The following ADI1 variants were observed in gnomAD, a reference collection of about 807,000 sequenced individuals.
The protein encoded by ADI1 is acireductone dioxygenase.
ADI1 carries 21 observed loss-of-function variants against 18.7 expected under a neutral mutation model. The ratio of observed to expected loss-of-function variants is 1.13; its 90% CI spans 0.80 to 1.62. The LOEUF is 1.62. Ranked by LOEUF, ADI1 falls within the 40% of genes most tolerant of loss-of-function variation. The probability of loss-of-function intolerance (pLI) is 0.00; values close to 1 mark genes in which losing one functional copy is unlikely to be tolerated. For synonymous variants in ADI1, 90 were observed against 100.1 expected (o/e 0.90, Z 0.60); for missense variants, 245 against 254.9 (o/e 0.96, Z 0.26).
At chr2:3,514,626 A>G (rs1237538365) in intron 1 of ADI1, among the ~76,000 whole-genome samples, 1 of 152,060 alleles carries the variant, frequency 6.6e-6, no homozygotes, top group Non-Finnish European at 1.5e-5. Flanking sequence ...CCCATTCAAC[A>G]TTTTCATTTA....
intron 2 of ADI1, among the ~76,000 whole-genome samples, chr2:3,503,296 C>A (rs1037412362): frequency 7.4e-6 from 1 of 135,646 alleles, no homozygotes; most frequent in East Asian, 2.0e-4. Context: ...CACACATGCA[C>A]ACATACACAC....
rs377436035 is a variant in ADI1 at position 3,502,261 on chromosome 2, C to A, written c.241-1268G>T. ...GCCCAGGCTAGTCTCAAACTCCAGG[C>A]CTCAAGTGATCCTCCTGCCTTGGCC... is the stretch of plus-strand genomic sequence containing the variant. On this transcript the variant is annotated intron_variant, in intron 2 of 3. Coordinates refer to ENST00000327435, the MANE Select transcript of ADI1 (RefSeq NM_018269.4). Among the ~76,000 whole-genome samples the A allele has an allele frequency of 4.6e-5, 7 of 152,066 alleles. No individual in the cohort carries two copies. In the East Asian group the frequency reaches 5.8e-4, roughly 13 times the overall value.
rs13398093 is a variant in ADI1, at chr2:3,519,501, G to A, written c.-14C>T. 9.7e-3 allele frequency: 12,382 copies of A among 1,274,366 alleles called. 77 individuals are homozygous for A. Among genetic ancestry groups the A allele is most frequent in the Non-Finnish European group, 0.012 (11,669 of 1,008,038 alleles). 78.9% of individuals were successfully genotyped at this position (1,274,366 alleles called of 1,614,324 possible). The stretch of plus-strand genomic sequence containing the variant: ...GGCCTGCACCATGACGCGCAGTGCG[G>A]GTGCCGTGTTCGAACCCAGGGGCCG... On this transcript the variant is annotated 5_prime_UTR_variant, in exon 1 of 4. Transcript: ENST00000327435.
At chr2:3,511,806 A>G (rs559223956) in intron 2 of ADI1, among the ~76,000 whole-genome samples, 7 of 152,346 alleles carry the variant, frequency 4.6e-5, no homozygotes, top group Admixed American at 2.6e-4. Context: ...GCTGATAGTC[A>G]TACAGACAAT....
intron 2 of ADI1, among the ~76,000 whole-genome samples, chr2:3,501,977 G>A (rs1249987208): frequency 6.6e-6 from 1 of 151,028 alleles, no homozygotes; most frequent in Non-Finnish European, 1.5e-5. Flanking sequence ...TGCCTGCACT[G>A]TTCATATCTC....
chr2:3,511,183 C>T (rs1667287609), intron 2 of ADI1, among the ~76,000 whole-genome samples: 1 of 152,206 alleles, frequency 6.6e-6, no homozygotes, highest in South Asian at 2.1e-4. Context: ...CATTCTCTCT[C>T]TTGTTCCCAT....
Position 3,498,926 on chromosome 2 carries a change from C to G in ADI1, c.*37G>C, listed in dbSNP as rs1247904013. ...TTCTGCTCAGTCATTACATTGGGGA[C>G]CTTTACGAGGCACGTGTTAGTTCCC... On this transcript the variant is annotated 3_prime_UTR_variant, in exon 4 of 4. Transcript: ENST00000327435. 3 of 1,581,130 alleles carry G rather than the reference C, an allele frequency of 1.9e-6. No individual in the cohort carries two copies. The highest frequency in any genetic ancestry group is 2.0e-4 in the Middle Eastern group (1 of 5,084).
At chr2:3,508,805 G>T (rs1667232530) in intron 2 of ADI1, among the ~76,000 whole-genome samples, 3 of 152,104 alleles carry the variant, frequency 2.0e-5, no homozygotes, top group African/African-American at 7.2e-5. Context: ...CTGGGAGGCT[G>T]AGATGGGAGG....
At chr2:3,502,042 C>G (rs1200393797) in intron 2 of ADI1, among the ~76,000 whole-genome samples, 46 of 45,356 alleles carry the variant, frequency 1.0e-3, no homozygotes, top group South Asian at 8.8e-3. Flanking sequence ...CACACACACA[C>G]AGAGACAGGG....
intron 3 of ADI1, among the ~76,000 whole-genome samples, chr2:3,499,396 C>T (rs1006896097): frequency 2.6e-5 from 4 of 152,168 alleles, no homozygotes; most frequent in Non-Finnish European, 5.9e-5. Flanking sequence ...ACCCCATGTA[C>T]CCTCCACCTC....
intron 2 of ADI1, among the ~76,000 whole-genome samples, chr2:3,506,760 G>A (rs1667184766): frequency 6.6e-6 from 1 of 152,166 alleles, no homozygotes. Context: ...GAAGAACAAA[G>A]TTGAAGAACC....
At position 3,517,292 on chromosome 2, in the gene ADI1, C is replaced by A. The variant is rs937868786; in HGVS notation, c.120+2076G>T. The A allele has an allele frequency of 2.0e-5, 3 of 152,168 alleles. No individual in the cohort carries two copies. The East Asian group carries it at 5.8e-4, about 29-fold the overall frequency. The allele number at this position is 152,168 out of a possible 1,614,324, so 9.4% of individuals were successfully genotyped here. ...CCAATCAGCTTTTCTACCTATTGTTCTGTTTCTTTGTTGCCGCCCTACAAA... is the reference window on the plus strand; with the variant it reads ...CCAATCAGCTTTTCTACCTATTGTTATGTTTCTTTGTTGCCGCCCTACAAA... On this transcript the variant is annotated intron_variant, in intron 1 of 3. Coordinates refer to ENST00000327435, the MANE Select transcript of ADI1 (RefSeq NM_018269.4).
At chr2:3,500,682 G>T (rs1379491640) in intron 3 of ADI1, 132 bp downstream of exon 3, 6 of 1,202,466 alleles carry the variant, frequency 5.0e-6, no homozygotes, top group Non-Finnish European at 6.0e-6. Context: ...TCTCCTTGAA[G>T]CACAGGTCGA....
rs1334911519 is a variant in ADI1 at position 3,498,828 on chromosome 2, C to G, written c.*135G>C. The G allele has an allele frequency of 2.2e-6, 3 of 1,391,148 alleles. No individual in the cohort carries two copies. Among genetic ancestry groups the G allele is most frequent in the Non-Finnish European group, 2.9e-6 (3 of 1,030,326 alleles). 86.2% of individuals were successfully genotyped at this position (1,391,148 alleles called of 1,614,324 possible). A position where few individuals can be genotyped will look rare whatever the true frequency, so the allele number is the denominator to read the frequency against. ...TCCTTTCATTACAAAATATTCTGAT[C>G]AAATAATCTTACAAAGGAAAGATAA... is the stretch of plus-strand genomic sequence containing the variant. On this transcript the variant is annotated 3_prime_UTR_variant, in exon 4 of 4. Coordinates refer to ENST00000327435, the MANE Select transcript of ADI1 (RefSeq NM_018269.4).
At chr2:3,518,755 C>G (rs1001928902) in intron 1 of ADI1, among the ~76,000 whole-genome samples, 1 of 152,234 alleles carries the variant, frequency 6.6e-6, no homozygotes, top group African/African-American at 2.4e-5. Flanking sequence ...AACCCCTGGG[C>G]CTTTGACCGA....
chr2:3,499,892 C>T (rs1291273684), intron 3 of ADI1, among the ~76,000 whole-genome samples: 1 of 151,990 alleles, frequency 6.6e-6, no homozygotes, highest in Non-Finnish European at 1.5e-5. Flanking sequence ...TGGTGAAACC[C>T]CGTCTCTACT....
intron 3 of ADI1, 126 bp downstream of exon 3, chr2:3,500,688 G>A (rs1306989279): frequency 8.0e-7 from 1 of 1,248,886 alleles, no homozygotes. Context: ...TGAAGCACAG[G>A]TCGAGGAGTC....
At chr2:3,514,855 G>A in intron 1 of ADI1, 1 of 1,548,388 alleles carries the variant, frequency 6.5e-7, no homozygotes, top group South Asian at 1.2e-5. Context: ...CCCGAATGGA[G>A]GGACCGGCTG....
chr2:3,511,871 A>G (rs965541190), intron 2 of ADI1, among the ~76,000 whole-genome samples: 1 of 152,236 alleles, frequency 6.6e-6, no homozygotes, highest in African/African-American at 2.4e-5. Flanking sequence ...CGGGAACTGG[A>G]ACAAACATCA....
Sources: gnomAD v4.1 joint callset for allele counts (sites outside exome capture counted in the v4.1 genomes callset) on GRCh38, gnomAD v4.1.1 for gene constraint, MANE v1.5 for transcripts, NCBI Gene and HGNC (gene_info 2026-07-23, HGNC 2026-07-21) for gene names.